The following IL2RA variants were observed in gnomAD, a reference collection of about 807,000 sequenced individuals.
The protein encoded by IL2RA is interleukin-2 receptor subunit alpha.
Under a neutral mutation model 37.8 loss-of-function variants are expected in IL2RA, and 24 were observed. That is an observed-to-expected ratio of 0.63 (90% CI 0.46 to 0.89). IL2RA has a LOEUF of 0.89. IL2RA is among the 40% of genes least tolerant of loss of function. IL2RA has a pLI of 0.00. For missense variants in IL2RA, 319 were observed against 348.6 expected (o/e 0.92, Z 0.68); for synonymous variants, 125 against 114.6 (o/e 1.09, Z -0.58).
intron 1 of IL2RA, among the ~76,000 whole-genome samples, chr10:6,043,193 TAAAAA>T (rs1221407872): frequency 1.3e-5 from 2 of 152,166 alleles, no homozygotes; most frequent in Non-Finnish European, 2.9e-5. Context: ...GTACAGTTGT[TAAAAA>T]GAATAAACAT....
intron 3 of IL2RA, 143 bp downstream of exon 3, chr10:6,024,101 G>A (rs1839436670): frequency 5.7e-6 from 4 of 695,802 alleles, no homozygotes; most frequent in Admixed American, 2.1e-5. Context: ...ATTCTTGTCT[G>A]CAATGATGTC....
rs749064880 is a variant in IL2RA, at chr10:6,035,113, G to C, written c.65-9088C>G. ...CTGCACTAGGGTCTCACACAAAGGG[G>C]TTGGCACAGGGCTGAGAAGCAGTGG... On this transcript the variant is annotated intron_variant, in intron 1 of 7. Transcript: ENST00000379959. The surrounding 1 kb of genome is among the most constrained non-coding windows in gnomAD (Gnocchi z 5.4). Among the ~76,000 whole-genome samples, 41 of 152,168 alleles carry C rather than the reference G, an allele frequency of 2.7e-4. No homozygotes were observed. Among genetic ancestry groups the C allele is most frequent in the Admixed American group, 2.0e-3 (30 of 15,286 alleles).
Position 6,062,219 on chromosome 10 carries a change from C to T in IL2RA, c.-68G>A, listed in dbSNP as rs539210850. On this transcript the variant is annotated 5_prime_UTR_variant, in exon 1 of 8. Coordinates refer to ENST00000379959, the MANE Select transcript of IL2RA (RefSeq NM_000417.3). ...CTTTCTCTGCAGAAGGCCCAGTTGC[C>T]GTCAGCCTCTTTTTGGCATCGCGCC... 29 of 1,381,710 alleles carry T rather than the reference C, an allele frequency of 2.1e-5. No individual in the cohort carries two copies. The highest frequency in any genetic ancestry group is 1.4e-4 in the African/African-American group (10 of 70,426). 85.6% of individuals were successfully genotyped at this position (1,381,710 alleles called of 1,614,324 possible). A position where few individuals can be genotyped will look rare whatever the true frequency, so the allele number is the denominator to read the frequency against.
At position 6,033,325 on chromosome 10, in the gene IL2RA, A is replaced by G. The variant is rs563445877; in HGVS notation, c.65-7300T>C. Among the ~76,000 whole-genome samples the G allele has an allele frequency of 6.6e-6, 1 of 152,078 alleles. No individual in the cohort carries two copies. The highest frequency in any genetic ancestry group is 2.4e-5 in the African/African-American group (1 of 41,404). On this transcript the variant is annotated intron_variant, in intron 1 of 7. Coordinates refer to ENST00000379959, the MANE Select transcript of IL2RA (RefSeq NM_000417.3). This position sits in a 1 kb window ranked among gnomAD's most constrained non-coding sequence, Gnocchi z 4.3. Reference sequence around the variant, plus strand: ...CAAAGAAACAAACAAACAACAACAAAAAAAAAACAAAAAAAGAAAGTATTT... The same window carrying G: ...CAAAGAAACAAACAAACAACAACAAGAAAAAAACAAAAAAAGAAAGTATTT...
In IL2RA at chr10:6,036,019, A is replaced by T. The variant is rs569362683; in HGVS notation, c.65-9994T>A. The stretch of plus-strand genomic sequence containing the variant: ...GCTGACGCCTTGGCAATCGCAAGTG[A>T]CAGTGACGGAGAGCCACCTCCTCTG... On this transcript the variant is annotated intron_variant, in intron 1 of 7. Transcript: ENST00000379959. This position sits in a 1 kb window ranked among gnomAD's most constrained non-coding sequence, Gnocchi z 6.1. 5.3e-5 allele frequency: 8 copies of T among 152,316 alleles called. No individual in the cohort carries two copies. The highest frequency in any genetic ancestry group is 1.0e-4 in the Non-Finnish European group (7 of 68,118). 9.4% of individuals were successfully genotyped at this position (152,316 alleles called of 1,614,324 possible). A position where few individuals can be genotyped will look rare whatever the true frequency, so the allele number is the denominator to read the frequency against.
Position 6,012,748 on chromosome 10 carries a change from A to G in IL2RA, c.*124T>C, listed in dbSNP as rs1839209002. On this transcript the variant is annotated 3_prime_UTR_variant, in exon 8 of 8. Transcript: ENST00000379959. The surrounding 1 kb of genome is among the most constrained non-coding windows in gnomAD (Gnocchi z 4.8). ...GTGATGTGACTTCAGAGCTTCCAAA[A>G]CGCAGGCAAGCACAACGGATGTCTC... 9.9e-7 allele frequency: 1 copy of G among 1,011,964 alleles called. No homozygotes were observed. The highest frequency in any genetic ancestry group is 1.3e-5 in the South Asian group (1 of 77,834). 62.7% of individuals were successfully genotyped at this position (1,011,964 alleles called of 1,614,324 possible).
chr10:6,060,545 A>G (rs1328702862), intron 1 of IL2RA, among the ~76,000 whole-genome samples: 2 of 152,204 alleles, frequency 1.3e-5, no homozygotes, highest in East Asian at 3.9e-4. Flanking sequence ...CCACAAGGTC[A>G]GGAGTTTGAG....
At chr10:6,049,681 G>A (rs1357485015) in intron 1 of IL2RA, among the ~76,000 whole-genome samples, 2 of 152,038 alleles carry the variant, frequency 1.3e-5, no homozygotes, top group East Asian at 3.9e-4. Flanking sequence ...TTCTTTACAC[G>A]GCACTCACCC....
In IL2RA at chr10:6,018,226, G is replaced by T; in HGVS notation, c.728-107C>A. The T allele has an allele frequency of 1.2e-6, 1 of 819,290 alleles. No homozygotes were observed. The highest frequency in any genetic ancestry group is 2.1e-6 in the Non-Finnish European group (1 of 476,246). The allele number at this position is 819,290 out of a possible 1,614,324, so 50.8% of individuals were successfully genotyped here. On this transcript the variant is annotated intron_variant, in intron 6 of 7. Transcript: ENST00000379959. The surrounding 1 kb of genome is among the most constrained non-coding windows in gnomAD (Gnocchi z 5.1). ...GAGGACATCCCCAAAGAGCAAGGCG[G>T]AGGCTGCAGCCTCTCTTCCCTGTCT...
intron 1 of IL2RA, among the ~76,000 whole-genome samples, chr10:6,050,602 C>T (rs916628999): frequency 1.3e-5 from 2 of 152,030 alleles, no homozygotes; most frequent in African/African-American, 4.8e-5. Flanking sequence ...CGAGATCATA[C>T]CACTGCACTC....
At chr10:6,039,098 C>T (rs1839732300) in intron 1 of IL2RA, among the ~76,000 whole-genome samples, 1 of 152,050 alleles carries the variant, frequency 6.6e-6, no homozygotes, top group Non-Finnish European at 1.5e-5. Flanking sequence ...ATGCTTAAAG[C>T]ATAAATGCTC....
rs960905676 is a variant in IL2RA, at chr10:6,022,797, G to T, written c.368-1104C>A. On this transcript the variant is annotated intron_variant, in intron 3 of 7. Transcript: ENST00000379959. This position sits in a 1 kb window ranked among gnomAD's most constrained non-coding sequence, Gnocchi z 4.7. ...GAGACAATCTTTGAAACATCCCTCAGGCAGAGCCAGCCTTCGAGAAAGGAC... is the reference window on the plus strand; with the variant it reads ...GAGACAATCTTTGAAACATCCCTCATGCAGAGCCAGCCTTCGAGAAAGGAC... Among the ~76,000 whole-genome samples, 2 of 109,076 alleles carry T rather than the reference G, an allele frequency of 1.8e-5. No individual in the cohort carries two copies. The highest frequency in any genetic ancestry group is 2.7e-5 in the African/African-American group (1 of 36,730). 71.6% of individuals were successfully genotyped at this position (109,076 alleles called of 152,430 possible).
intron 3 of IL2RA, among the ~76,000 whole-genome samples, chr10:6,023,038 A>G (rs1839414062): frequency 6.6e-6 from 1 of 152,266 alleles, no homozygotes; most frequent in Non-Finnish European, 1.5e-5. Context: ...CTTTTAAAAT[A>G]AGTAATCAGC....
In IL2RA at chr10:6,022,144, G is replaced by A. The variant is rs924266125; in HGVS notation, c.368-451C>T. Among the ~76,000 whole-genome samples the A allele has an allele frequency of 3.9e-5, 6 of 152,138 alleles. No individual in the cohort carries two copies. The highest frequency in any genetic ancestry group is 1.4e-4 in the African/African-American group (6 of 41,402). On this transcript the variant is annotated intron_variant, in intron 3 of 7. Transcript: ENST00000379959. The surrounding 1 kb of genome is among the most constrained non-coding windows in gnomAD (Gnocchi z 4.7). ...CCAATGGAGCATGAAGACCACCTTG[G>A]ATTTCTGCTGGACAAGTGAGGAAGT...
At position 6,054,846 on chromosome 10, in the gene IL2RA, C is replaced by T. The variant is rs12722629; in HGVS notation, c.64+7242G>A. On this transcript the variant is annotated intron_variant, in intron 1 of 7. Coordinates refer to ENST00000379959, the MANE Select transcript of IL2RA (RefSeq NM_000417.3). This position sits in a 1 kb window ranked among gnomAD's most constrained non-coding sequence, Gnocchi z 4.5. ...TGTTTGATCAATATTTGATCTTTCC[C>T]AGATTGGTTTTCCCTTTTTCTAATT... 4.9e-3 allele frequency among the ~76,000 whole-genome samples: 748 copies of T among 152,188 alleles called. 9 individuals carry two copies. Among genetic ancestry groups the T allele is most frequent in the African/African-American group, 0.017 (709 of 41,518 alleles).
In IL2RA at chr10:6,046,794, A is replaced by G. The variant is rs1467463659; in HGVS notation, c.64+15294T>C. 6.6e-6 allele frequency among the ~76,000 whole-genome samples: 1 copy of G among 152,174 alleles called. No individual in the cohort carries two copies. The highest frequency in any genetic ancestry group is 1.5e-5 in the Non-Finnish European group (1 of 68,020). Reference sequence around the variant, plus strand: ...CTGATAGTTTCAGTGGGTGGGTTCTATTCTTTTCAACAGATACCTCAGGGT... The same window carrying G: ...CTGATAGTTTCAGTGGGTGGGTTCTGTTCTTTTCAACAGATACCTCAGGGT... On this transcript the variant is annotated intron_variant, in intron 1 of 7. Coordinates refer to ENST00000379959, the MANE Select transcript of IL2RA (RefSeq NM_000417.3). The surrounding 1 kb of genome is among the most constrained non-coding windows in gnomAD (Gnocchi z 4.8).
At position 6,033,268 on chromosome 10, in the gene IL2RA, G is replaced by A. The variant is rs954443244; in HGVS notation, c.65-7243C>T. On this transcript the variant is annotated intron_variant, in intron 1 of 7. Transcript: ENST00000379959. The surrounding 1 kb of genome is among the most constrained non-coding windows in gnomAD (Gnocchi z 4.3). ...ATCACGCCACTGCCCTCCAGCCTGG[G>A]CAACAGAGTGAGACTCTGTCTCAAA... Among the ~76,000 whole-genome samples, 5 of 151,884 alleles carry A rather than the reference G, an allele frequency of 3.3e-5. No individual in the cohort carries two copies. Among genetic ancestry groups the A allele is most frequent in the African/African-American group, 9.7e-5 (4 of 41,340 alleles).
intron 1 of IL2RA, among the ~76,000 whole-genome samples, chr10:6,038,192 T>C (rs1011751616): frequency 3.3e-5 from 5 of 152,226 alleles, no homozygotes; most frequent in African/African-American, 1.2e-4. Context: ...AGTTCAGTGC[T>C]TTTCCAACAC....
chr10:6,061,127 G>A (rs186899653), intron 1 of IL2RA, among the ~76,000 whole-genome samples: 1 of 152,256 alleles, frequency 6.6e-6, no homozygotes, highest in Admixed American at 6.5e-5. Flanking sequence ...GGTGGTTCAT[G>A]CCTGTAGTAC....
Sources: gnomAD v4.1 joint callset for allele counts (sites outside exome capture counted in the v4.1 genomes callset) on GRCh38, gnomAD v4.1.1 for gene constraint, Gnocchi (gnomAD v3.1) non-coding constraint, MANE v1.5 for transcripts, NCBI Gene and HGNC (gene_info 2026-07-23, HGNC 2026-07-21) for gene names.